KLF12: variants seen among roughly 807,000 people sequenced by gnomAD.
KLF12 encodes Krueppel-like factor 12.
KLF12 carries 9 observed loss-of-function variants against 37.8 expected under a neutral mutation model. That is an observed-to-expected ratio of 0.24 (90% CI 0.14 to 0.42). The LOEUF is 0.42. KLF12 is among the 10% of genes least tolerant of loss of function. The pLI, the probability that KLF12 is intolerant of heterozygous loss-of-function variation, is 1.00. For synonymous variants in KLF12, 208 were observed against 202.1 expected, an observed-to-expected ratio of 1.03 and a Z score of -0.25; for missense variants, 411 against 516.0, an observed-to-expected ratio of 0.80 and a Z score of 1.97.
intron 1 of KLF12, among the ~76,000 whole-genome samples, chr13:74,011,239 CAAAAA>C (rs58892976): frequency 3.6e-5 from 2 of 56,140 alleles, no homozygotes; most frequent in African/African-American, 5.7e-5. Flanking sequence ...CAAGTCAGAG[CAAAAA>C]AAAAAAAAAA....
chr13:73,956,845 A>G (rs944055823), intron 2 of KLF12, among the ~76,000 whole-genome samples: 1 of 151,904 alleles, frequency 6.6e-6, no homozygotes, highest in Admixed American at 6.6e-5. Flanking sequence ...TGATCACTTG[A>G]GCCTGGGAGG....
intron 1 of KLF12, among the ~76,000 whole-genome samples, chr13:74,065,830 G>A (rs189838807): frequency 7.2e-5 from 11 of 152,086 alleles, no homozygotes; most frequent in African/African-American, 2.7e-4. Context: ...GATCTCTCTA[G>A]ACATGTGACA....
chr13:73,823,727 TGA>T (rs148958106), intron 4 of KLF12, among the ~76,000 whole-genome samples: 35,387 of 151,792 alleles, frequency 0.23, 4,358 homozygotes, highest in East Asian at 0.47. Context: ...TTCTTTTTTT[TGA>T]GAGAGAGTTT....
intron 3 of KLF12, among the ~76,000 whole-genome samples, chr13:73,875,397 G>C (rs1886658587): frequency 6.6e-6 from 1 of 152,086 alleles, no homozygotes; most frequent in Admixed American, 6.5e-5. Flanking sequence ...TTAGAAAAAT[G>C]TCAAATCTCA....
intron 1 of KLF12, among the ~76,000 whole-genome samples, chr13:74,093,135 C>G (rs1402137315): frequency 6.6e-6 from 1 of 152,230 alleles, no homozygotes; most frequent in Non-Finnish European, 1.5e-5. Flanking sequence ...TATCATTAGA[C>G]AACCAAAGTC....
At chr13:74,043,304 T>C (rs1304078993) in intron 1 of KLF12, among the ~76,000 whole-genome samples, 2 of 152,190 alleles carry the variant, frequency 1.3e-5, no homozygotes, top group Non-Finnish European at 2.9e-5. Context: ...GATGAGTAAA[T>C]ATGGTTATGG....
intron 1 of KLF12, among the ~76,000 whole-genome samples, chr13:74,066,509 A>G (rs1873924726): frequency 6.6e-6 from 1 of 152,070 alleles, no homozygotes; most frequent in African/African-American, 2.4e-5. Context: ...CAGAAATCAA[A>G]AAAATTAGCC....
At chr13:73,782,592 G>A (rs921839189) in intron 5 of KLF12, among the ~76,000 whole-genome samples, 52 of 152,204 alleles carry the variant, frequency 3.4e-4, no homozygotes, top group African/African-American at 1.2e-3. Flanking sequence ...TAAATAACCC[G>A]ACAAACTTCA....
intron 2 of KLF12, among the ~76,000 whole-genome samples, chr13:73,957,474 T>C (rs985670506): frequency 1.4e-4 from 22 of 152,198 alleles, no homozygotes; most frequent in African/African-American, 5.1e-4. Context: ...TTCTTAGACA[T>C]GGCCAATGAG....
chr13:73,811,151 A>T (rs1381779860), intron 5 of KLF12, among the ~76,000 whole-genome samples: 1 of 151,318 alleles, frequency 6.6e-6, no homozygotes, highest in East Asian at 1.9e-4. Context: ...ACGCCCAGCT[A>T]ATTTTTGTAT....
intron 2 of KLF12, among the ~76,000 whole-genome samples, chr13:73,946,044 C>G (rs1416572711): frequency 1.3e-5 from 2 of 152,128 alleles, no homozygotes; most frequent in East Asian, 3.9e-4. Context: ...TCAGGAAAGC[C>G]TTCCTGCAGC....
intron 1 of KLF12, among the ~76,000 whole-genome samples, chr13:74,049,764 C>G (rs1008481887): frequency 6.6e-6 from 1 of 152,110 alleles, no homozygotes; most frequent in Non-Finnish European, 1.5e-5. Flanking sequence ...GAGATAAGAA[C>G]AGCATCAACC....
chr13:74,156,876 A>C, the KLF12 span, among the ~76,000 whole-genome samples: 1 of 152,218 alleles, frequency 6.6e-6, no homozygotes, highest in Admixed American at 6.5e-5. Context: ...TCTGTTCATC[A>C]GTTGATGGAC....
chr13:74,149,641 C>A, the KLF12 span, among the ~76,000 whole-genome samples: 23 of 152,274 alleles, frequency 1.5e-4, no homozygotes, highest in Admixed American at 9.8e-4. Flanking sequence ...AGGGTACTAT[C>A]CAGAGGGACC....
At chr13:73,844,022 C>CA (rs1039194600) in intron 4 of KLF12, among the ~76,000 whole-genome samples, 4 of 151,386 alleles carry the variant, frequency 2.6e-5, no homozygotes, top group South Asian at 2.1e-4. Flanking sequence ...TCATGGCAAA[C>CA]AAAAAAAATC....
At chr13:73,884,234 C>T (rs1424805659) in intron 3 of KLF12, among the ~76,000 whole-genome samples, 2 of 152,072 alleles carry the variant, frequency 1.3e-5, no homozygotes, top group Non-Finnish European at 2.9e-5. Context: ...GCAACTGTAC[C>T]TATATTCTTC....
At chr13:73,964,356 A>G (rs1436496957) in intron 2 of KLF12, among the ~76,000 whole-genome samples, 1 of 152,158 alleles carries the variant, frequency 6.6e-6, no homozygotes, top group Non-Finnish European at 1.5e-5. Flanking sequence ...TGCATCTCCC[A>G]TTGTTTACAG....
chr13:74,238,919 G>T, the KLF12 span, among the ~76,000 whole-genome samples: 1 of 150,202 alleles, frequency 6.7e-6, no homozygotes, highest in South Asian at 2.1e-4. Context: ...TTTTTGAAGG[G>T]TTTTTTGTGT....
chr13:74,196,704 C>G, the KLF12 span, among the ~76,000 whole-genome samples: 1 of 152,086 alleles, frequency 6.6e-6, no homozygotes, highest in Non-Finnish European at 1.5e-5. Flanking sequence ...TTGTAGTTTT[C>G]CTACATTCTG....
Sources: gnomAD v4.1 joint callset for allele counts (sites outside exome capture counted in the v4.1 genomes callset) on GRCh38, gnomAD v4.1.1 for gene constraint, MANE v1.5 for transcripts, NCBI Gene and HGNC (gene_info 2026-07-23, HGNC 2026-07-21) for gene names.